Variants in AGBL4 observed in about 807,000 individuals in gnomAD.
AGBL4 encodes the protein AGBL carboxypeptidase 4.
AGBL4 carries 58 observed loss-of-function variants against 66.4 expected under a neutral mutation model. The observed-to-expected ratio is 0.87, with a 90% confidence interval of 0.71 to 1.09. AGBL4 has a LOEUF of 1.09. Among genes scored for constraint, AGBL4 ranks in the 50% least tolerant of loss-of-function variants. The pLI is 0.00. For synonymous variants in AGBL4, 234 were observed against 222.9 expected (o/e 1.05, Z -0.44); for missense variants, 579 against 631.0 (o/e 0.92, Z 0.88).
intron 6 of AGBL4, among the ~76,000 whole-genome samples, chr1:48,756,760 T>G (rs1448509046): frequency 2.0e-5 from 3 of 152,242 alleles, no homozygotes; most frequent in Non-Finnish European, 4.4e-5. Context: ...AAGCTTTCAC[T>G]GATGAGAGAC....
chr1:48,780,272 G>T (rs1353225147), intron 6 of AGBL4, among the ~76,000 whole-genome samples: 1 of 147,400 alleles, frequency 6.8e-6, no homozygotes, highest in Non-Finnish European at 1.5e-5. Context: ...ACTTATGAGA[G>T]AGAATAGGAC....
At chr1:49,347,775 G>A (rs187163408) in intron 3 of AGBL4, among the ~76,000 whole-genome samples, 11 of 151,592 alleles carry the variant, frequency 7.3e-5, no homozygotes, top group African/African-American at 2.7e-4. Context: ...CAGGAGAATC[G>A]CTTGAACCCG....
At chr1:49,442,021 A>T (rs909387937) in intron 3 of AGBL4, among the ~76,000 whole-genome samples, 1 of 152,208 alleles carries the variant, frequency 6.6e-6, no homozygotes, top group Admixed American at 6.5e-5. Flanking sequence ...ACGATATGGC[A>T]CCATTCCTCA....
chr1:48,571,157 C>T (rs1421044439), intron 11 of AGBL4, among the ~76,000 whole-genome samples: 1 of 152,216 alleles, frequency 6.6e-6, no homozygotes, highest in Non-Finnish European at 1.5e-5. Context: ...TTGTATTCAA[C>T]AGATAAGATA....
intron 9 of AGBL4, among the ~76,000 whole-genome samples, chr1:48,628,998 A>C (rs1645550511): frequency 6.6e-6 from 1 of 151,994 alleles, no homozygotes; most frequent in African/African-American, 2.4e-5. Context: ...AATCTCTGTA[A>C]CCCCAGAGAT....
At chr1:49,311,611 A>C (rs550879165) in intron 3 of AGBL4, among the ~76,000 whole-genome samples, 1 of 152,166 alleles carries the variant, frequency 6.6e-6, no homozygotes, top group South Asian at 2.1e-4. Flanking sequence ...TGGACCAAAA[A>C]AAGATGAGGC....
intron 1 of AGBL4, among the ~76,000 whole-genome samples, chr1:49,949,895 T>C (rs560686539): frequency 2.3e-4 from 35 of 150,282 alleles, no homozygotes; most frequent in African/African-American, 8.5e-4. Context: ...AAAAAGATAC[T>C]TGCATATGCA....
chr1:48,645,435 G>A (rs982458969), intron 8 of AGBL4, among the ~76,000 whole-genome samples: 11 of 152,184 alleles, frequency 7.2e-5, no homozygotes, highest in Non-Finnish European at 1.3e-4. Context: ...GAAGATGGGG[G>A]AGTTGCAGCT....
intron 6 of AGBL4, among the ~76,000 whole-genome samples, chr1:48,806,038 T>C (rs57261543): frequency 0.011 from 1,728 of 152,276 alleles, 36 homozygotes; most frequent in African/African-American, 0.04. Flanking sequence ...TTCAGAATGA[T>C]GATTGCTTAG....
At chr1:49,916,672 C>G (rs957104771) in intron 1 of AGBL4, among the ~76,000 whole-genome samples, 3 of 152,184 alleles carry the variant, frequency 2.0e-5, no homozygotes, top group Non-Finnish European at 4.4e-5. Flanking sequence ...AGGATATTAT[C>G]CAGGAGAACT....
At chr1:48,527,027 T>C in the AGBL4 span, among the ~76,000 whole-genome samples, 1 of 152,076 alleles carries the variant, frequency 6.6e-6, no homozygotes, top group African/African-American at 2.4e-5. Flanking sequence ...AAGGAAGCCA[T>C]AGAGGAAATC....
rs561096819 is a variant in AGBL4 at position 48,834,260 on chromosome 1, G to T, written c.634+32931C>A. On this transcript the variant is annotated intron_variant, in intron 6 of 13. Transcript: ENST00000371839. ...TTGAGTCTCACCCATATCTGATTTA[G>T]ATGATATTTAAGTGAGACTTTGAAC... 2.6e-5 allele frequency among the ~76,000 whole-genome samples: 4 copies of T among 152,212 alleles called. No homozygotes were observed. In the South Asian group the frequency reaches 6.2e-4, roughly 24 times the overall value.
chr1:48,909,023 GATTTAGC>G (rs1652859316), intron 5 of AGBL4, among the ~76,000 whole-genome samples: 2 of 151,776 alleles, frequency 1.3e-5, no homozygotes, highest in African/African-American at 4.8e-5. Flanking sequence ...ATGATCATTG[GATTTAGC>G]ATGCACTTAT....
chr1:48,675,748 C>T (rs1487921470), intron 6 of AGBL4, among the ~76,000 whole-genome samples: 2 of 152,184 alleles, frequency 1.3e-5, no homozygotes, highest in Non-Finnish European at 2.9e-5. Flanking sequence ...TGAGTATGGT[C>T]TAATTAATGT....
In AGBL4 at chr1:49,585,144, C is replaced by T. The variant is rs374314238; in HGVS notation, c.282+112169G>A. ...TAATTATTTTCAGATTTACTTGAAC[C>T]TTCTCTGGGGAACAAACTACAGCGT... On this transcript the variant is annotated intron_variant, in intron 3 of 13. Transcript: ENST00000371839. Among the ~76,000 whole-genome samples, 50 of 152,282 alleles carry T rather than the reference C, an allele frequency of 3.3e-4. 1 individual carries two copies. In the South Asian group the frequency reaches 9.5e-3, roughly 29 times the overall value.
intron 1 of AGBL4, among the ~76,000 whole-genome samples, chr1:50,006,394 A>T (rs1222442372): frequency 1.3e-5 from 2 of 152,022 alleles, no homozygotes; most frequent in Non-Finnish European, 1.5e-5. Flanking sequence ...TATCAAAGGG[A>T]TAATAAAAGA....
At chr1:49,250,575 C>G (rs888673627) in intron 3 of AGBL4, among the ~76,000 whole-genome samples, 3 of 151,516 alleles carry the variant, frequency 2.0e-5, no homozygotes, top group Admixed American at 1.3e-4. Flanking sequence ...TCCTGAGTAG[C>G]TGGGACTACA....
At chr1:48,968,877 T>C (rs965059876) in intron 5 of AGBL4, among the ~76,000 whole-genome samples, 1 of 152,142 alleles carries the variant, frequency 6.6e-6, no homozygotes, top group African/African-American at 2.4e-5. Flanking sequence ...ACCAGGACTT[T>C]GATGTGCTCC....
intron 6 of AGBL4, among the ~76,000 whole-genome samples, chr1:48,765,630 A>T (rs1177509726): frequency 2.0e-5 from 3 of 152,240 alleles, no homozygotes; most frequent in Admixed American, 6.5e-5. Flanking sequence ...TCATAACAGC[A>T]TTATTCATTA....
Sources: allele counts gnomAD v4.1 joint callset (sites outside exome capture counted in the v4.1 genomes callset), GRCh38; gene constraint gnomAD v4.1.1; transcripts MANE v1.5; gene names NCBI Gene and HGNC (gene_info 2026-07-23, HGNC 2026-07-21).